TMEM71: variants seen among roughly 807,000 people sequenced by gnomAD.
The protein encoded by TMEM71 is transmembrane protein 71.
Under a neutral mutation model 38.0 loss-of-function variants are expected in TMEM71, and 44 were observed. That is an observed-to-expected ratio of 1.16 (90% CI 0.91 to 1.49). TMEM71 has a LOEUF of 1.49. TMEM71 is among the 40% of genes most tolerant of loss of function. The pLI, the probability that TMEM71 is intolerant of heterozygous loss-of-function variation, is 0.00. For missense variants in TMEM71, 367 were observed against 348.6 expected (o/e 1.05, Z -0.42); for synonymous variants, 133 against 122.5 (o/e 1.09, Z -0.56).
At chr8:132,707,409 A>G (rs902235646), downstream of TMEM71, among the ~76,000 whole-genome samples, 1 of 152,162 alleles carries the variant, frequency 6.6e-6, no homozygotes, top group Admixed American at 6.5e-5. Flanking sequence ...AAAATTTCAT[A>G]TGTTGGAAAC....
intron 5 of TMEM71, among the ~76,000 whole-genome samples, chr8:132,744,815 C>T (rs1828245876): frequency 6.6e-6 from 1 of 152,136 alleles, no homozygotes; most frequent in Non-Finnish European, 1.5e-5. Context: ...CAGCATGGTA[C>T]TGGTACAAAA....
intron 5 of TMEM71, among the ~76,000 whole-genome samples, chr8:132,745,026 A>T (rs2131145874): frequency 6.6e-6 from 1 of 152,306 alleles, no homozygotes; most frequent in East Asian, 1.9e-4. Flanking sequence ...TTAACTCAAG[A>T]TGGATTAAAG....
the TMEM71 span, among the ~76,000 whole-genome samples, chr8:132,766,016 T>C: frequency 6.6e-6 from 1 of 152,084 alleles, no homozygotes; most frequent in Non-Finnish European, 1.5e-5. Flanking sequence ...TCTCCTGACC[T>C]CAGGTGATCC....
At chr8:132,753,639 G>T (rs1828850906) in intron 3 of TMEM71, among the ~76,000 whole-genome samples, 1 of 152,090 alleles carries the variant, frequency 6.6e-6, no homozygotes, top group African/African-American at 2.4e-5. Flanking sequence ...GCAGCATAGT[G>T]GACAAGACAG....
At chr8:132,731,398 C>T (rs1367431527) in intron 5 of TMEM71, among the ~76,000 whole-genome samples, 2 of 152,144 alleles carry the variant, frequency 1.3e-5, no homozygotes, top group Admixed American at 6.5e-5. Context: ...AAGCTTATTA[C>T]TTGACCTTGG....
the TMEM71 span, among the ~76,000 whole-genome samples, chr8:132,771,510 G>C: frequency 2.0e-5 from 3 of 152,004 alleles, no homozygotes; most frequent in Admixed American, 6.6e-5. Context: ...ATGTGGCTCT[G>C]AGTAACATGT....
At chr8:132,746,416 C>CATATATAT (rs1563753705) in intron 5 of TMEM71, among the ~76,000 whole-genome samples, 32 of 17,460 alleles carry the variant, frequency 1.8e-3, no homozygotes, top group East Asian at 6.1e-3. Flanking sequence ...TATATACACA[C>CATATATAT]ACATATATAT....
intron 5 of TMEM71, among the ~76,000 whole-genome samples, chr8:132,730,599 A>T (rs1306893473): frequency 6.6e-6 from 1 of 152,124 alleles, no homozygotes; most frequent in Non-Finnish European, 1.5e-5. Flanking sequence ...AATTGTCCTA[A>T]TTTATTTTAC....
At chr8:132,750,621 A>T (rs1398177715) in intron 4 of TMEM71, among the ~76,000 whole-genome samples, 1 of 152,168 alleles carries the variant, frequency 6.6e-6, no homozygotes, top group Non-Finnish European at 1.5e-5. Context: ...TATATCATTA[A>T]GATTTGATAG....
chr8:132,747,081 G>T lies in TMEM71; in HGVS notation c.348C>A (p.Ser116=). ...TACTGAGGTTGAAGAGAGAAGAAAA[G>T]GAATGGCAGATTCTCTTTTTCTTTC... ...IFRKKKRICH[S]FSSLFNLSTS... The change falls in exon 5 of 10, where the codon TCC becomes TCA. Residue 116 remains serine, a synonymous_variant. Transcript: ENST00000677595. 1 of 1,610,148 alleles carries T rather than the reference G, an allele frequency of 6.2e-7. No homozygotes were observed. The highest frequency in any genetic ancestry group is 8.5e-7 in the Non-Finnish European group (1 of 1,178,928).
intron 2 of TMEM71, chr8:132,757,934 A>G (rs1291855433): frequency 6.6e-6 from 1 of 152,330 alleles, no homozygotes; most frequent in South Asian, 2.1e-4. Context: ...TGTGTGAAGC[A>G]GGAGAAAACC....
At chr8:132,734,612 T>C (rs1429759212) in intron 5 of TMEM71, among the ~76,000 whole-genome samples, 4 of 152,166 alleles carry the variant, frequency 2.6e-5, no homozygotes, top group Non-Finnish European at 5.9e-5. Context: ...AAAGAAAATA[T>C]GGTATTCAAC....
At chr8:132,742,442 A>G (rs558729787) in intron 5 of TMEM71, among the ~76,000 whole-genome samples, 1 of 152,302 alleles carries the variant, frequency 6.6e-6, no homozygotes, top group South Asian at 2.1e-4. Context: ...CCTCCCAGCT[A>G]CCTCTAGGTA....
chr8:132,767,650 A>AT, the TMEM71 span, among the ~76,000 whole-genome samples: 2 of 151,722 alleles, frequency 1.3e-5, no homozygotes, highest in Admixed American at 6.6e-5. Flanking sequence ...AATTTTTTGT[A>AT]TTTTAGTAGA....
chr8:132,733,328 T>C (rs1345197299), intron 5 of TMEM71, among the ~76,000 whole-genome samples: 1 of 152,178 alleles, frequency 6.6e-6, no homozygotes, highest in Non-Finnish European at 1.5e-5. Context: ...GGCTAAGATA[T>C]GTAGTGTTGT....
rs146344682 is a variant in TMEM71 at position 132,710,919 on chromosome 8, C to T, written c.*48G>A. 8.0e-5 allele frequency: 126 copies of T among 1,583,326 alleles called. No individual in the cohort carries two copies. The African/African-American group carries it at 1.4e-3, about 18-fold the overall frequency. ...AGTAGACTGCAAGTTGGACAATTTCCAGATATTCAGATGGAGGACATTCAT... is the reference window on the plus strand; with the variant it reads ...AGTAGACTGCAAGTTGGACAATTTCTAGATATTCAGATGGAGGACATTCAT... On this transcript the variant is annotated 3_prime_UTR_variant, in exon 10 of 10. Coordinates refer to ENST00000677595, the MANE Select transcript of TMEM71 (RefSeq NM_001382403.1).
rs190361650 is a variant in TMEM71, at chr8:132,744,479, C to T, written c.487+2463G>A. On this transcript the variant is annotated intron_variant, in intron 5 of 9. Transcript: ENST00000677595. The stretch of plus-strand genomic sequence containing the variant: ...AACTGGGAATACCTCTAACCAAGGA[C>T]ATAAAAGATCTCAACAAGAAGAACT... Among the ~76,000 whole-genome samples, 178 of 152,072 alleles carry T rather than the reference C, an allele frequency of 1.2e-3. 1 individual carries two copies. The highest frequency in any genetic ancestry group is 4.2e-3 in the African/African-American group (173 of 41,488).
intron 6 of TMEM71, among the ~76,000 whole-genome samples, chr8:132,725,911 A>C (rs1827118100): frequency 6.6e-6 from 1 of 152,226 alleles, no homozygotes; most frequent in South Asian, 2.1e-4. Context: ...AACTCTTGGC[A>C]AAGAGTACAA....
upstream of TMEM71, among the ~76,000 whole-genome samples, chr8:132,764,748 G>A (rs1171729056): frequency 3.9e-5 from 6 of 152,146 alleles, no homozygotes; most frequent in East Asian, 3.9e-4. Flanking sequence ...AGCTGTCTGC[G>A]CTTTCCTTTC....
Sources: gnomAD v4.1 joint callset for allele counts (sites outside exome capture counted in the v4.1 genomes callset) on GRCh38, gnomAD v4.1.1 for gene constraint, MANE v1.5 for transcripts, NCBI Gene and HGNC (gene_info 2026-07-23, HGNC 2026-07-21) for gene names.